The following MYEF2 variants were observed in gnomAD, a reference collection of about 807,000 sequenced individuals.
MYEF2 encodes the protein myelin expression factor 2.
Under a neutral mutation model 75.2 loss-of-function variants are expected in MYEF2, and 37 were observed. The ratio of observed to expected loss-of-function variants is 0.49; its 90% CI spans 0.38 to 0.65. MYEF2 has a LOEUF of 0.65. Among genes scored for constraint, MYEF2 ranks in the 30% least tolerant of loss-of-function variants. The pLI is 0.00. For missense variants in MYEF2, 634 were observed against 771.4 expected (o/e 0.82, Z 2.11); for synonymous variants, 195 against 241.6 (o/e 0.81, Z 1.79).
chr15:48,176,554 A>G (rs947397163), intron 1 of MYEF2, among the ~76,000 whole-genome samples: 4 of 152,138 alleles, frequency 2.6e-5, no homozygotes, highest in African/African-American at 9.7e-5. Context: ...AGAAAATCTG[A>G]TGGAGGTTTA....
chr15:48,147,722 AGGAT>A (rs554497703), intron 16 of MYEF2, among the ~76,000 whole-genome samples: 26 of 151,990 alleles, frequency 1.7e-4, no homozygotes, highest in Non-Finnish European at 3.1e-4. Flanking sequence ...TCAAAATAAA[AGGAT>A]GATCAAGAAA....
intron 5 of MYEF2, among the ~76,000 whole-genome samples, chr15:48,164,282 A>G (rs1186562605): frequency 1.3e-5 from 2 of 152,198 alleles, no homozygotes; most frequent in Admixed American, 1.3e-4. Flanking sequence ...CAAGATTTCA[A>G]TGGTGGATGT....
chr15:48,146,177 C>A (rs950410846), intron 16 of MYEF2, among the ~76,000 whole-genome samples: 1 of 151,888 alleles, frequency 6.6e-6, no homozygotes, highest in African/African-American at 2.4e-5. Context: ...GACATGGGAG[C>A]ACATTTAAAA....
chr15:48,140,802 C>T lies in MYEF2; in HGVS notation c.*2106G>A, dbSNP rs944267907. The T allele has an allele frequency of 1.4e-5, 4 of 295,126 alleles. No individual in the cohort carries two copies. The highest frequency in any genetic ancestry group is 7.1e-5 in the South Asian group (2 of 28,158). 18.3% of individuals were successfully genotyped at this position (295,126 alleles called of 1,614,324 possible). On this transcript the variant is annotated 3_prime_UTR_variant, in exon 17 of 17. Transcript: ENST00000324324. Reference sequence around the variant, plus strand: ...CTCATTATCAAATATTCAGCACAGCCCTGATGAGATAATGGTGGACATAAA... The same window carrying T: ...CTCATTATCAAATATTCAGCACAGCTCTGATGAGATAATGGTGGACATAAA...
rs1198099617 is a variant in MYEF2 at position 48,148,883 on chromosome 15, T to G, written c.1639+149A>C. Reference sequence around the variant, plus strand: ...AAAGATAGTGAAATAATTCATTTATTTGAAGTGGAATTAGACCTGGCACGC... The same window carrying G: ...AAAGATAGTGAAATAATTCATTTATGTGAAGTGGAATTAGACCTGGCACGC... On this transcript the variant is annotated intron_variant, in intron 16 of 16. Coordinates refer to ENST00000324324, the MANE Select transcript of MYEF2 (RefSeq NM_016132.5). 7.4e-5 allele frequency: 56 copies of G among 752,152 alleles called. No homozygotes were observed. The South Asian group carries it at 9.0e-4, about 12-fold the overall frequency. The allele number at this position is 752,152 out of a possible 1,614,324, so 46.6% of individuals were successfully genotyped here. A position where few individuals can be genotyped will look rare whatever the true frequency, so the allele number is the denominator to read the frequency against.
chr15:48,146,582 A>C (rs889777888), intron 16 of MYEF2, among the ~76,000 whole-genome samples: 2 of 151,978 alleles, frequency 1.3e-5, no homozygotes. Flanking sequence ...CACTAGAGAT[A>C]ATTTATAAGC....
chr15:48,171,708 T>G (rs1188513492), intron 1 of MYEF2, among the ~76,000 whole-genome samples: 1 of 152,116 alleles, frequency 6.6e-6, no homozygotes, highest in East Asian at 1.9e-4. Context: ...TCTGAACTAT[T>G]TCCAAGTCAT....
At chr15:48,171,881 AAAATAGTCAT>A (rs1359633295) in intron 1 of MYEF2, among the ~76,000 whole-genome samples, 1 of 152,192 alleles carries the variant, frequency 6.6e-6, no homozygotes, top group East Asian at 1.9e-4. Flanking sequence ...TAAAAACCCT[AAAATAGTCAT>A]AAAAATGTTA....
At chr15:48,161,818 C>CA (rs2039952604) in intron 5 of MYEF2, among the ~76,000 whole-genome samples, 2 of 142,674 alleles carry the variant, frequency 1.4e-5, no homozygotes, top group South Asian at 5.4e-4. Context: ...CAGGTTGGTG[C>CA]AAAAGTAAAT....
chr15:48,143,468 C>G (rs1432897843), intron 16 of MYEF2, among the ~76,000 whole-genome samples: 1 of 152,026 alleles, frequency 6.6e-6, no homozygotes, highest in Non-Finnish European at 1.5e-5. Context: ...CTCAGTCTCC[C>G]TAATCTCTCT....
chr15:48,149,295 A>G lies in MYEF2; in HGVS notation c.1455T>C (p.Asp485=), dbSNP rs2039403779. The change falls in exon 15 of 17, where the codon GAT becomes GAC. Residue 485 remains aspartate, a synonymous_variant. Transcript: ENST00000324324. This position sits in a 1 kb window ranked among gnomAD's most constrained non-coding sequence, Gnocchi z 4.0. ...MGLDRMSSSF[D]RMGPGIGAIL... ...TAGCTCCTATACCTGGTCCCATTCT[A>G]TCAAAGCTGGAACTCATCCGGTCCA... 6.2e-7 allele frequency: 1 copy of G among 1,613,072 alleles called. No homozygotes were observed. Among genetic ancestry groups the G allele is most frequent in the Non-Finnish European group, 8.5e-7 (1 of 1,179,408 alleles).
rs149866073 is a variant in MYEF2 at position 48,144,439 on chromosome 15, T to C, written c.1640-1368A>G. On this transcript the variant is annotated intron_variant, in intron 16 of 16. Transcript: ENST00000324324. Reference sequence around the variant, plus strand: ...TAAACACTAATTAAATGGTCTAGGATAATAAATGTCATACTGAGACAAAAC... The same window carrying C: ...TAAACACTAATTAAATGGTCTAGGACAATAAATGTCATACTGAGACAAAAC... 7.2e-5 allele frequency among the ~76,000 whole-genome samples: 11 copies of C among 152,112 alleles called. No individual in the cohort carries two copies. The East Asian group carries it at 1.9e-3, about 27-fold the overall frequency.
chr15:48,168,924 T>C (rs1299705425), intron 1 of MYEF2, 85 bp from the exon 2 acceptor site: 2 of 1,043,736 alleles, frequency 1.9e-6, no homozygotes, highest in Admixed American at 5.2e-5. Context: ...GTATTCCATA[T>C]TTATCACCTC....
chr15:48,156,579 G>A (rs1164122224), intron 9 of MYEF2, among the ~76,000 whole-genome samples: 2 of 150,914 alleles, frequency 1.3e-5, no homozygotes, highest in Non-Finnish European at 3.0e-5. Flanking sequence ...AGGAAGGCCA[G>A]TTTTACACAT....
intron 7 of MYEF2, among the ~76,000 whole-genome samples, chr15:48,158,487 T>C (rs2039794252): frequency 6.6e-6 from 1 of 152,282 alleles, no homozygotes; most frequent in South Asian, 2.1e-4. Flanking sequence ...ACTGCATTAA[T>C]ATACAATAGA....
At position 48,136,371 on chromosome 15, in the gene MYEF2, G is replaced by T. The variant is rs949623695; in HGVS notation, c.*6537C>A. ...TATTTATTAATTTTACATTTATTTT[G>T]AAAATCTCCAATTATCATTTTCCTT... is the stretch of plus-strand genomic sequence containing the variant. On this transcript the variant is annotated 3_prime_UTR_variant, in exon 17 of 17. Coordinates refer to ENST00000324324, the MANE Select transcript of MYEF2 (RefSeq NM_016132.5). 1 of 217,300 alleles carries T rather than the reference G, an allele frequency of 4.6e-6. No individual in the cohort carries two copies. Among genetic ancestry groups the T allele is most frequent in the Admixed American group, 5.8e-5 (1 of 17,386 alleles). 13.5% of individuals were successfully genotyped at this position (217,300 alleles called of 1,614,324 possible).
At position 48,136,419 on chromosome 15, in the gene MYEF2, G is replaced by C. The variant is rs1233813602; in HGVS notation, c.*6489C>G. 3 of 305,940 alleles carry C rather than the reference G, an allele frequency of 9.8e-6. No individual in the cohort carries two copies. Among genetic ancestry groups the C allele is most frequent in the African/African-American group, 2.2e-5 (1 of 46,170 alleles). 19.0% of individuals were successfully genotyped at this position (305,940 alleles called of 1,614,324 possible). On this transcript the variant is annotated 3_prime_UTR_variant, in exon 17 of 17. Transcript: ENST00000324324. ...CTTGCATTTTTATACCTATCATTTG[G>C]AAGGAATCTACAAGTAAAAACGAGT...
Position 48,158,775 on chromosome 15 carries a change from C to T in MYEF2, c.865G>A (p.Ala289Thr). Residue 289 changes from alanine to threonine, a missense_variant, in exon 7 of 17, where the codon GCA becomes ACA. Physicochemically the swap from Ala to Thr is moderately conservative, Grantham distance 58. Transcript: ENST00000324324. ...GAAATGTAAATCAGGATACAAATTG[C>T]TTGAACTGCTTCAATTGCTTGCTCA... ...TFEQAIEAVQ[A>T]ISMFNGQFLF... 6.2e-7 allele frequency: 1 copy of T among 1,613,478 alleles called. No homozygotes were observed. The highest frequency in any genetic ancestry group is 8.5e-7 in the Non-Finnish European group (1 of 1,179,608).
chr15:48,151,399 A>G (rs202236767), intron 13 of MYEF2, 74 bp downstream of exon 13: 10 of 1,369,956 alleles, frequency 7.3e-6, no homozygotes, highest in Non-Finnish European at 1.0e-5. Flanking sequence ...CTGATTTTTC[A>G]CAAAAAAAGA....
Sources: gnomAD v4.1 joint callset for allele counts (sites outside exome capture counted in the v4.1 genomes callset) on GRCh38, gnomAD v4.1.1 for gene constraint, Gnocchi (gnomAD v3.1) non-coding constraint, MANE v1.5 for transcripts, NCBI Gene and HGNC (gene_info 2026-07-23, HGNC 2026-07-21) for gene names.